The following NRXN1 variants were observed in gnomAD, a reference collection of about 807,000 sequenced individuals.
NRXN1 encodes the protein neurexin-1.
A neutral mutation model predicts 150.9 loss-of-function variants in NRXN1; 39 were observed. The ratio of observed to expected loss-of-function variants is 0.26; its 90% confidence interval spans 0.20 to 0.34. The LOEUF (loss-of-function observed/expected upper bound fraction) is 0.34. Among genes scored for constraint, NRXN1 ranks in the 10% least tolerant of loss-of-function variants. The pLI is 1.00. For missense variants in NRXN1, 1,815 were observed against 1,949.9 expected (o/e 0.93, Z 1.30); for synonymous variants, 924 against 757.0 (o/e 1.22, Z -3.62).
intron 7 of NRXN1, 147 bp from the exon 8 acceptor site, chr2:50,620,330 T>G (rs1679787564): frequency 2.2e-6 from 2 of 891,994 alleles, no homozygotes; most frequent in Non-Finnish European, 3.3e-6. Context: ...TGGTTTTTGT[T>G]TTTAGACCTA....
chr2:50,966,256 C>A (rs926151413), intron 2 of NRXN1, among the ~76,000 whole-genome samples: 1 of 151,012 alleles, frequency 6.6e-6, no homozygotes, highest in African/African-American at 2.4e-5. Flanking sequence ...TATAAAATGT[C>A]AGGTGCTGGA....
chr2:49,953,241 T>C (rs1364527182), intron 21 of NRXN1, among the ~76,000 whole-genome samples: 1 of 152,100 alleles, frequency 6.6e-6, no homozygotes, highest in Non-Finnish European at 1.5e-5. Context: ...TTTGAGTTGA[T>C]TCATGAGTTG....
intron 18 of NRXN1, among the ~76,000 whole-genome samples, chr2:50,181,770 T>A (rs1045597540): frequency 2.2e-4 from 34 of 152,224 alleles, no homozygotes; most frequent in African/African-American, 7.9e-4. Flanking sequence ...ATATATCTAC[T>A]TCCCTATTGT....
intron 5 of NRXN1, among the ~76,000 whole-genome samples, chr2:50,833,347 TG>T (rs1293963181): frequency 6.6e-6 from 1 of 152,040 alleles, no homozygotes; most frequent in East Asian, 1.9e-4. Context: ...CCAAGAAAAA[TG>T]AAAGCATGTA....
chr2:50,470,920 A>G (rs1223253016), intron 16 of NRXN1, among the ~76,000 whole-genome samples: 1 of 151,854 alleles, frequency 6.6e-6, no homozygotes, highest in Admixed American at 6.6e-5. Context: ...CATTTCTGAT[A>G]TAGGAATATT....
chr2:50,578,878 A>C (rs914161760), intron 8 of NRXN1, among the ~76,000 whole-genome samples: 2 of 152,106 alleles, frequency 1.3e-5, no homozygotes, highest in African/African-American at 4.8e-5. Context: ...ATTGATGAGA[A>C]TATTACATGA....
intron 8 of NRXN1, among the ~76,000 whole-genome samples, chr2:50,593,323 T>G (rs377168456): frequency 1.3e-5 from 2 of 152,166 alleles, no homozygotes; most frequent in African/African-American, 4.8e-5. Flanking sequence ...GAATTGAAAA[T>G]GAACACATGG....
intron 18 of NRXN1, chr2:50,175,005 T>C (rs954811137): frequency 1.3e-5 from 2 of 152,190 alleles, no homozygotes; most frequent in Non-Finnish European, 2.9e-5. Context: ...GGGTAGGCTA[T>C]AGATTATTGC....
At chr2:49,950,834 T>C (rs979520652) in intron 21 of NRXN1, among the ~76,000 whole-genome samples, 6 of 151,964 alleles carry the variant, frequency 3.9e-5, no homozygotes, top group Non-Finnish European at 8.8e-5. Context: ...CTTTCATGAA[T>C]ATGTAGGGCA....
intron 2 of NRXN1, among the ~76,000 whole-genome samples, chr2:51,010,986 C>T (rs1231557530): frequency 6.6e-6 from 1 of 151,866 alleles, no homozygotes; most frequent in African/African-American, 2.4e-5. Context: ...TTTGCCTGGG[C>T]TGGTCTCAAA....
At chr2:50,372,348 C>T (rs2080091462) in intron 17 of NRXN1, among the ~76,000 whole-genome samples, 1 of 151,938 alleles carries the variant, frequency 6.6e-6, no homozygotes, top group Admixed American at 6.6e-5. Context: ...AAGATCAGAG[C>T]CTAATGATTT....
At chr2:50,840,134 T>TA in intron 5 of NRXN1, among the ~76,000 whole-genome samples, 2 of 152,162 alleles carry the variant, frequency 1.3e-5, no homozygotes, top group Non-Finnish European at 2.9e-5. Flanking sequence ...GAATGATATA[T>TA]AGTCTCATTA....
At chr2:50,084,498 G>C (rs35087429) in intron 19 of NRXN1, among the ~76,000 whole-genome samples, 47,489 of 151,994 alleles carry the variant, frequency 0.31, 8,295 homozygotes, top group African/African-American at 0.44. Context: ...GCCGGCCGCT[G>C]CAAGTGCAGG....
chr2:50,493,198 T>G (rs1030320810), intron 15 of NRXN1, among the ~76,000 whole-genome samples: 1 of 152,188 alleles, frequency 6.6e-6, no homozygotes, highest in South Asian at 2.1e-4. Context: ...ACATGATTAG[T>G]ATGCAAAGAA....
intron 17 of NRXN1, among the ~76,000 whole-genome samples, chr2:50,392,078 G>A (rs192023028): frequency 1.0e-3 from 157 of 152,170 alleles, no homozygotes; most frequent in Admixed American, 1.6e-3. Context: ...TCCCTCTCTT[G>A]AACTACTATC....
intron 18 of NRXN1, among the ~76,000 whole-genome samples, chr2:50,154,730 T>C (rs950281010): frequency 6.6e-6 from 1 of 151,750 alleles, no homozygotes; most frequent in African/African-American, 2.4e-5. Flanking sequence ...GCAGATATAA[T>C]TTGCCTGGAT....
intron 22 of NRXN1, among the ~76,000 whole-genome samples, chr2:49,924,157 G>C (rs149971285): frequency 8.8e-4 from 134 of 152,210 alleles, no homozygotes; most frequent in African/African-American, 3.1e-3. Flanking sequence ...ATTTTACAGA[G>C]CATTCTTTTA....
chr2:50,158,959 C>A (rs543448989), intron 18 of NRXN1, among the ~76,000 whole-genome samples: 1 of 152,120 alleles, frequency 6.6e-6, no homozygotes, highest in South Asian at 2.1e-4. Flanking sequence ...GGATCACCTA[C>A]CATTCATCAC....
chr2:50,634,275 G>A (rs1394899630), intron 5 of NRXN1, among the ~76,000 whole-genome samples: 1 of 152,216 alleles, frequency 6.6e-6, no homozygotes, highest in East Asian at 1.9e-4. Context: ...TGACAGCAGT[G>A]AGTCCAACAT....
Sources: gnomAD v4.1 joint callset for allele counts (sites outside exome capture counted in the v4.1 genomes callset) on GRCh38, gnomAD v4.1.1 for gene constraint, MANE v1.5 for transcripts, NCBI Gene and HGNC (gene_info 2026-07-23, HGNC 2026-07-21) for gene names.